The following TNRC6B variants were observed in gnomAD, a reference collection of about 807,000 sequenced individuals.
TNRC6B encodes trinucleotide repeat containing adaptor 6B, also known as trinucleotide repeat-containing gene 6B protein.
Under a neutral mutation model 203.6 loss-of-function variants are expected in TNRC6B, and 52 were observed. The ratio of observed to expected loss-of-function variants is 0.26; its 90% CI spans 0.20 to 0.32. TNRC6B has a LOEUF of 0.32. Among genes scored for constraint, TNRC6B ranks in the 10% least tolerant of loss-of-function variants. TNRC6B has a pLI of 1.00. For synonymous variants in TNRC6B, 838 were observed against 845.7 expected (o/e 0.99, Z 0.16); for missense variants, 1,923 against 2,286.2 (o/e 0.84, Z 3.24).
At chr22:40,154,228 C>T (rs542126390) in intron 3 of TNRC6B, among the ~76,000 whole-genome samples, 1 of 152,134 alleles carries the variant, frequency 6.6e-6, no homozygotes, top group African/African-American at 2.4e-5. Context: ...CTTTGGGAGG[C>T]CAAGACGGGT....
rs377573838 is a variant in TNRC6B, at chr22:40,178,158, A to G, written c.5+18A>G. 1.0e-4 allele frequency: 166 copies of G among 1,611,544 alleles called. No homozygotes were observed. Among genetic ancestry groups the G allele is most frequent in the Non-Finnish European group, 1.3e-4 (151 of 1,178,328 alleles). On this transcript the variant is annotated intron_variant, in intron 1 of 22. Coordinates refer to ENST00000454349, the MANE Select transcript of TNRC6B (RefSeq NM_001162501.2). Reference sequence around the variant, plus strand: ...TTTATGAGGTTGGTAAATATTTTCAATTTTTTTTAACCAATTGATTTATAT... The same window carrying G: ...TTTATGAGGTTGGTAAATATTTTCAGTTTTTTTTAACCAATTGATTTATAT...
chr22:40,073,785 C>T (rs750541389), intron 1 of TNRC6B, among the ~76,000 whole-genome samples: 12 of 152,036 alleles, frequency 7.9e-5, no homozygotes, highest in Non-Finnish European at 1.5e-4. Flanking sequence ...GGGCTGGGTG[C>T]GGTGGCTCAT....
At chr22:40,099,000 C>T (rs1390162306) in intron 1 of TNRC6B, among the ~76,000 whole-genome samples, 2 of 151,848 alleles carry the variant, frequency 1.3e-5, no homozygotes, top group Non-Finnish European at 2.9e-5. Context: ...ACCTGTAATC[C>T]CAGCACTTTG....
At chr22:40,245,950 A>C in intron 1 of TNRC6B, 65 bp from the exon 2 acceptor site, 2 of 1,321,678 alleles carry the variant, frequency 1.5e-6, no homozygotes, top group Non-Finnish European at 2.1e-6. Flanking sequence ...CAAGCATTCA[A>C]TTTGCTGCGG....
chr22:40,293,620 C>T (rs537517522), intron 12 of TNRC6B, among the ~76,000 whole-genome samples: 24 of 81,154 alleles, frequency 3.0e-4, no homozygotes, highest in East Asian at 3.3e-4. Flanking sequence ...AGGGCGGGGG[C>T]GGAGGGGGGT....
intron 1 of TNRC6B, among the ~76,000 whole-genome samples, chr22:40,224,495 T>C (rs2069757088): frequency 6.6e-6 from 1 of 152,234 alleles, no homozygotes; most frequent in African/African-American, 2.4e-5. Context: ...CTCTTTGAGA[T>C]ATAAATGCTG....
chr22:40,259,940 C>T (rs2070350775), intron 3 of TNRC6B, among the ~76,000 whole-genome samples: 1 of 152,082 alleles, frequency 6.6e-6, no homozygotes, highest in Non-Finnish European at 1.5e-5. Flanking sequence ...CCTCTATTTG[C>T]CAGGTAGATT....
intron 1 of TNRC6B, among the ~76,000 whole-genome samples, chr22:40,085,584 T>C (rs927245950): frequency 1.3e-5 from 2 of 152,238 alleles, no homozygotes; most frequent in African/African-American, 4.8e-5. Context: ...TTCCTTTACC[T>C]TGAATTTTAT....
chr22:40,177,845 C>T, upstream of TNRC6B: 1 of 1,316,732 alleles, frequency 7.6e-7, no homozygotes, highest in Non-Finnish European at 9.6e-7. Context: ...CTCCAGCTCC[C>T]TCCCCTTTCC....
intron 1 of TNRC6B, among the ~76,000 whole-genome samples, chr22:40,085,177 C>T (rs1445096610): frequency 6.6e-6 from 1 of 152,168 alleles, no homozygotes; most frequent in African/African-American, 2.4e-5. Flanking sequence ...AGAAGATCTT[C>T]CAGCCTCAGA....
At chr22:40,173,793 ATTTTTTTTTTT>A (rs1160322782), upstream of TNRC6B, among the ~76,000 whole-genome samples, 2 of 64,862 alleles carry the variant, frequency 3.1e-5, no homozygotes, top group Non-Finnish European at 5.1e-5. Context: ...ATATATATAT[ATTTTTTTTTTT>A]TTTTTTTTTT....
chr22:40,307,427 C>G (rs939349727), intron 15 of TNRC6B, among the ~76,000 whole-genome samples: 6 of 152,186 alleles, frequency 3.9e-5, no homozygotes, highest in African/African-American at 1.4e-4. Context: ...GGCTCATTCT[C>G]ATTTTTCTAT....
intron 1 of TNRC6B, among the ~76,000 whole-genome samples, chr22:40,194,850 G>C (rs769955250): frequency 1.6e-4 from 24 of 152,236 alleles, no homozygotes; most frequent in Non-Finnish European, 2.9e-4. Flanking sequence ...GTCCCTAAAA[G>C]GAGGCGAACT....
At chr22:40,125,748 C>CT (rs2068486593) in intron 2 of TNRC6B, 6 of 1,550,064 alleles carry the variant, frequency 3.9e-6, no homozygotes, top group Non-Finnish European at 5.2e-6. Context: ...TCCTTACATA[C>CT]TTTTTTCTTC....
intron 1 of TNRC6B, among the ~76,000 whole-genome samples, chr22:40,203,727 T>C (rs2069442855): frequency 6.6e-6 from 1 of 152,220 alleles, no homozygotes; most frequent in Non-Finnish European, 1.5e-5. Context: ...TTTTGTTTTG[T>C]TTTGTTTTCA....
At chr22:40,188,540 A>T (rs565725708) in intron 1 of TNRC6B, among the ~76,000 whole-genome samples, 35 of 152,268 alleles carry the variant, frequency 2.3e-4, no homozygotes, top group Non-Finnish European at 4.1e-4. Context: ...AAGGTCAGAG[A>T]CCTAGCAGGT....
At position 40,265,137 on chromosome 22, in the gene TNRC6B, A is replaced by T. The variant is rs2070456523; in HGVS notation, c.907A>T (p.Asn303Tyr). ...IGPGSGFSNFNPNSNPSAWPA... is the reference protein window; with the variant it reads ...IGPGSGFSNFYPNSNPSAWPA... The stretch of plus-strand genomic sequence containing the variant: ...ACCTGGCTCTGGCTTCAGCAACTTT[A>T]ACCCAAATAGCAACCCATCTGCCTG... Residue 303 changes from asparagine to tyrosine, a missense_variant, in exon 5 of 23, where the codon AAC becomes TAC. By Grantham distance (143) the Asn-to-Tyr change is moderately radical. This residue lies in a region of TNRC6B where 614 missense variants were observed against 587.7 expected (regional missense o/e 1.04). Transcript: ENST00000454349. The T allele has an allele frequency of 6.2e-7, 1 of 1,614,030 alleles. No homozygotes were observed. The highest frequency in any genetic ancestry group is 1.3e-5 in the African/African-American group (1 of 75,058).
chr22:40,071,749 T>C (rs1271162929), intron 1 of TNRC6B, among the ~76,000 whole-genome samples: 1 of 152,252 alleles, frequency 6.6e-6, no homozygotes, highest in Admixed American at 6.5e-5. Context: ...GATTTTGTGT[T>C]CATTGTATGT....
At chr22:40,097,430 C>G (rs544085245) in intron 1 of TNRC6B, among the ~76,000 whole-genome samples, 22 of 152,088 alleles carry the variant, frequency 1.4e-4, no homozygotes, top group Non-Finnish European at 2.2e-4. Flanking sequence ...TTCAGCCTCC[C>G]GAGTAACTAG....
Sources: gnomAD v4.1 joint callset for allele counts (sites outside exome capture counted in the v4.1 genomes callset) on GRCh38, gnomAD v4.1.1 for gene constraint, gnomAD v4.1.1 regional missense constraint, MANE v1.5 for transcripts, NCBI Gene and HGNC (gene_info 2026-07-23, HGNC 2026-07-21) for gene names.